Variants in ANKRD55 observed in about 807,000 individuals in gnomAD.
ANKRD55 encodes the protein ankyrin repeat domain-containing protein 55.
Under a neutral mutation model 60.6 loss-of-function variants are expected in ANKRD55, and 41 were observed. The ratio of observed to expected loss-of-function variants is 0.68; its 90% CI spans 0.53 to 0.88. The LOEUF (loss-of-function observed/expected upper bound fraction) is 0.88, where lower values mean the gene tolerates loss of function less well. ANKRD55 is among the 40% of genes least tolerant of loss of function. The pLI is 0.00. For synonymous variants in ANKRD55, 264 were observed against 290.3 expected, an observed-to-expected ratio of 0.91 and a Z score of 0.92; for missense variants, 732 against 767.6, an observed-to-expected ratio of 0.95 and a Z score of 0.55.
chr5:56,176,241 C>T lies in ANKRD55; in HGVS notation c.223G>A (p.Asp75Asn). ...ATCTTCAACAGCAGCTTCACTGTGT[C>T]CGCTTGACGTCCAGAAACCGCATGC... The part of the protein sequence containing the change: ...LMHAVSGRQA[D>N]TVKLLLKMGA... Residue 75 changes from aspartate to asparagine, a missense_variant, in exon 4 of 12, where the codon GAC (aspartate) becomes AAC (asparagine). Asp to Asn is a conservative substitution (Grantham distance 23). Around this residue, in one of 3 missense-constraint regions of ANKRD55, gnomAD observed 131 missense variants for 142.7 expected, o/e 0.92. Coordinates refer to ENST00000341048, the MANE Select transcript of ANKRD55 (RefSeq NM_024669.3). 1.2e-6 allele frequency: 2 copies of T among 1,614,214 alleles called. No homozygotes were observed. Among genetic ancestry groups the T allele is most frequent in the Non-Finnish European group, 1.7e-6 (2 of 1,180,044 alleles).
chr5:56,225,036 A>G (rs1019131391), intron 2 of ANKRD55, among the ~76,000 whole-genome samples: 16 of 152,260 alleles, frequency 1.1e-4, no homozygotes, highest in Non-Finnish European at 2.4e-4. Context: ...ACAAAAAAAG[A>G]GAATTTTAGA....
In ANKRD55 at chr5:56,111,446, C is replaced by A. The variant is rs375196460; in HGVS notation, c.1302G>T (p.Thr434=). 11 of 1,614,132 alleles carry A rather than the reference C, an allele frequency of 6.8e-6. No homozygotes were observed. The highest frequency in any genetic ancestry group is 9.3e-6 in the Non-Finnish European group (11 of 1,180,024). Residue 434 remains threonine, a synonymous_variant, in exon 10 of 12, where the codon ACG becomes ACT. Coordinates refer to ENST00000341048, the MANE Select transcript of ANKRD55 (RefSeq NM_024669.3). Reference sequence around the variant, plus strand: ...CCAGGGTGATGGGTGGGAGACTCTGCGTTCTGATTGGTGGAAGCCCCTTAC... The same window carrying A: ...CCAGGGTGATGGGTGGGAGACTCTGAGTTCTGATTGGTGGAAGCCCCTTAC... ...LARKGLPPIR[T]QSLPPITLGN... is the part of the protein sequence containing the mutation.
At chr5:56,210,340 C>T (rs1287271741) in intron 2 of ANKRD55, among the ~76,000 whole-genome samples, 2 of 151,830 alleles carry the variant, frequency 1.3e-5, no homozygotes, top group South Asian at 2.1e-4. Flanking sequence ...TTTGGGAGGC[C>T]GAGGCGGGCG....
chr5:56,195,961 G>T (rs1226167270), intron 2 of ANKRD55, among the ~76,000 whole-genome samples: 1 of 152,080 alleles, frequency 6.6e-6, no homozygotes, highest in Non-Finnish European at 1.5e-5. Context: ...CCATAGTGTG[G>T]ACATGAATTT....
At chr5:56,112,511 A>AAAAAAAAAAAAAAAAAAAAAAAC in intron 9 of ANKRD55, among the ~76,000 whole-genome samples, 5 of 81,502 alleles carry the variant, frequency 6.1e-5, no homozygotes, top group African/African-American at 1.1e-4. Context: ...TAGCAAAAAA[A>AAAAAAAAAAAAAAAAAAAAAAAC]AAAAAAAAAA....
intron 4 of ANKRD55, among the ~76,000 whole-genome samples, chr5:56,171,655 C>T (rs1055121750): frequency 6.6e-6 from 1 of 152,160 alleles, no homozygotes; most frequent in African/African-American, 2.4e-5. Context: ...TATAAGTATA[C>T]TTAAAAATAG....
rs186301267 is a variant in ANKRD55, at chr5:56,230,798, C to A, written c.58+2058G>T. Among the ~76,000 whole-genome samples, 5 of 152,252 alleles carry A rather than the reference C, an allele frequency of 3.3e-5. No individual in the cohort carries two copies. In the East Asian group the frequency reaches 9.6e-4, roughly 29 times the overall value. Reference sequence around the variant, plus strand: ...TGTAATTTAGTCATCCAGCACTAAGCCCTCATTTGATCTGAGGACTGCTAC... The same window carrying A: ...TGTAATTTAGTCATCCAGCACTAAGACCTCATTTGATCTGAGGACTGCTAC... On this transcript the variant is annotated intron_variant, in intron 2 of 11. Transcript: ENST00000341048.
chr5:56,199,852 C>G (rs1759323072), intron 2 of ANKRD55, among the ~76,000 whole-genome samples: 1 of 148,718 alleles, frequency 6.7e-6, no homozygotes, highest in Non-Finnish European at 1.5e-5. Context: ...GATCGCACCA[C>G]TACACTCCAG....
chr5:56,222,850 A>G lies in ANKRD55; in HGVS notation c.58+10006T>C, dbSNP rs374109103. ...CAAAGCCTCCAAGAAATATGGGACT[A>G]TGTGAAAAGACCAAATCTACGTCTG... On this transcript the variant is annotated intron_variant, in intron 2 of 11. Coordinates refer to ENST00000341048, the MANE Select transcript of ANKRD55 (RefSeq NM_024669.3). Among the ~76,000 whole-genome samples, 141 of 152,358 alleles carry G rather than the reference A, an allele frequency of 9.3e-4. 3 individuals are homozygous for G. In the Middle Eastern group the frequency reaches 0.027, roughly 29 times the overall value.
intron 4 of ANKRD55, among the ~76,000 whole-genome samples, chr5:56,175,699 C>T (rs187984333): frequency 3.0e-4 from 45 of 152,050 alleles, no homozygotes; most frequent in African/African-American, 1.1e-3. Flanking sequence ...TCTTCCAGTC[C>T]CTCCCACCAC....
chr5:56,126,061 G>A (rs1757244306), intron 8 of ANKRD55, among the ~76,000 whole-genome samples: 1 of 152,156 alleles, frequency 6.6e-6, no homozygotes, highest in Non-Finnish European at 1.5e-5. Context: ...TTGGACCTGG[G>A]AGGTGGAGGT....
intron 2 of ANKRD55, among the ~76,000 whole-genome samples, chr5:56,221,707 C>T (rs988833766): frequency 6.6e-6 from 1 of 152,268 alleles, no homozygotes; most frequent in African/African-American, 2.4e-5. Flanking sequence ...TATCCCGTGC[C>T]TAGCTTGGAG....
chr5:56,208,029 T>A (rs1759556734), intron 2 of ANKRD55, among the ~76,000 whole-genome samples: 1 of 151,984 alleles, frequency 6.6e-6, no homozygotes, highest in Admixed American at 6.6e-5. Flanking sequence ...ATCCTTTAAG[T>A]TTTTTTCTAT....
rs1270941596 is a variant in ANKRD55 at position 56,232,895 on chromosome 5, T to C, written c.19A>G (p.Met7Val). 1.9e-6 allele frequency: 3 copies of C among 1,614,054 alleles called. No individual in the cohort carries two copies. Among genetic ancestry groups the C allele is most frequent in the Admixed American group, 1.7e-5 (1 of 60,004 alleles). Residue 7 changes from methionine to valine, a missense_variant, in exon 2 of 12, where the codon ATG (methionine) becomes GTG (valine). Transcript: ENST00000341048. ...AACACAGAAGGGGTGCTGAAATCCA[T>C]GGTAGCCTGTCTCATCATTTACCAT... The part of the protein sequence containing the change: MMRQAT[M>V]DFSTPSVFDQ...
At chr5:56,232,974 C>T in intron 1 of ANKRD55, 28 bp from the exon 2 acceptor site, 1 of 1,512,630 alleles carries the variant, frequency 6.6e-7, no homozygotes, top group Non-Finnish European at 9.2e-7. Context: ...CCATCTCAAA[C>T]CTTACTGTCA....
chr5:56,136,113 A>G (rs182657772), intron 7 of ANKRD55, among the ~76,000 whole-genome samples: 1 of 152,168 alleles, frequency 6.6e-6, no homozygotes, highest in Non-Finnish European at 1.5e-5. Context: ...TAAAAATTAT[A>G]AAAATAAATA....
At position 56,127,925 on chromosome 5, in the gene ANKRD55, C is replaced by G. The variant is rs7704863; in HGVS notation, c.613-819G>C. On this transcript the variant is annotated intron_variant, in intron 7 of 11. Coordinates refer to ENST00000341048, the MANE Select transcript of ANKRD55 (RefSeq NM_024669.3). ...ACAATGATTTTAAATAACTTTGACCCATTGTTTATATTCTATGGCATGCCT... is the reference window on the plus strand; with the variant it reads ...ACAATGATTTTAAATAACTTTGACCGATTGTTTATATTCTATGGCATGCCT... 7.6e-3 allele frequency among the ~76,000 whole-genome samples: 1,160 copies of G among 152,166 alleles called. 25 individuals carry two copies. The highest frequency in any genetic ancestry group is 0.027 in the African/African-American group (1,111 of 41,518).
At chr5:56,165,104 G>A (rs556206032) in intron 5 of ANKRD55, among the ~76,000 whole-genome samples, 1 of 152,308 alleles carries the variant, frequency 6.6e-6, no homozygotes, top group South Asian at 2.1e-4. Flanking sequence ...GAAGGAGCTT[G>A]CTGTTTGGAA....
At chr5:56,227,889 T>C (rs907118458) in intron 2 of ANKRD55, among the ~76,000 whole-genome samples, 3 of 152,186 alleles carry the variant, frequency 2.0e-5, no homozygotes, top group Admixed American at 6.5e-5. Context: ...AAACATTCGC[T>C]CTTGTCAATA....
Sources: allele counts gnomAD v4.1 joint callset (sites outside exome capture counted in the v4.1 genomes callset), GRCh38; gene constraint gnomAD v4.1.1; regional missense constraint gnomAD v4.1.1; transcripts MANE v1.5; gene names NCBI Gene and HGNC (gene_info 2026-07-23, HGNC 2026-07-21).